LMO7: variants seen among roughly 807,000 people sequenced by gnomAD.
The protein encoded by LMO7 is LIM domain 7.
LMO7 carries 120 observed loss-of-function variants against 206.5 expected under a neutral mutation model. The observed-to-expected ratio is 0.58, with a 90% CI of 0.50 to 0.68. The LOEUF (loss-of-function observed/expected upper bound fraction) is 0.68, where lower values mean the gene tolerates loss of function less well. LMO7 is among the 30% of genes least tolerant of loss of function. The pLI, the probability that LMO7 is intolerant of heterozygous loss-of-function variation, is 0.00. For synonymous variants in LMO7, 706 were observed against 681.5 expected (o/e 1.04, Z -0.56); for missense variants, 1,959 against 1,957.9 (o/e 1.00, Z -0.01).
At chr13:75,706,731 C>T (rs1418154783) in intron 1 of LMO7, among the ~76,000 whole-genome samples, 1 of 152,024 alleles carries the variant, frequency 6.6e-6, no homozygotes, top group Non-Finnish European at 1.5e-5. Context: ...ATTTTTGAAG[C>T]TGTATTATGT....
At chr13:75,749,125 A>T (rs942132825) in intron 3 of LMO7, among the ~76,000 whole-genome samples, 3 of 152,138 alleles carry the variant, frequency 2.0e-5, no homozygotes, top group African/African-American at 7.2e-5. Flanking sequence ...GGGGCTGGAA[A>T]TTTTTAAACA....
intron 1 of LMO7, among the ~76,000 whole-genome samples, chr13:75,695,964 C>G (rs921085898): frequency 6.6e-6 from 1 of 152,120 alleles, no homozygotes; most frequent in Non-Finnish European, 1.5e-5. Context: ...AAACTGGTCC[C>G]AAGGCTGTTT....
intron 2 of LMO7, among the ~76,000 whole-genome samples, chr13:75,724,392 A>G (rs1425215386): frequency 6.6e-6 from 1 of 152,172 alleles, no homozygotes; most frequent in Non-Finnish European, 1.5e-5. Flanking sequence ...AAGGGAATAC[A>G]GGCTGAAAAA....
At chr13:75,662,617 C>G (rs2038710216) in intron 1 of LMO7, among the ~76,000 whole-genome samples, 1 of 139,778 alleles carries the variant, frequency 7.2e-6, no homozygotes, top group Admixed American at 7.0e-5. Flanking sequence ...CTGCACCTGG[C>G]AAAACTAAGT....
At chr13:75,771,418 G>A (rs983320667) in intron 4 of LMO7, among the ~76,000 whole-genome samples, 1 of 151,986 alleles carries the variant, frequency 6.6e-6, no homozygotes, top group African/African-American at 2.4e-5. Flanking sequence ...TGTATTTGCT[G>A]TGATAATGGA....
chr13:75,782,255 A>G (rs2051605474), intron 4 of LMO7, among the ~76,000 whole-genome samples: 1 of 152,206 alleles, frequency 6.6e-6, no homozygotes, highest in African/African-American at 2.4e-5. Context: ...GGCATTGATT[A>G]GCTGTAGATG....
chr13:75,652,876 G>C (rs1466253171), intron 1 of LMO7, among the ~76,000 whole-genome samples: 1 of 152,016 alleles, frequency 6.6e-6, no homozygotes, highest in African/African-American at 2.4e-5. Flanking sequence ...GAAGGGATAG[G>C]GAATGTAGGA....
At chr13:75,822,063 A>G (rs1285300322) in intron 14 of LMO7, among the ~76,000 whole-genome samples, 1 of 152,120 alleles carries the variant, frequency 6.6e-6, no homozygotes, top group Non-Finnish European at 1.5e-5. Flanking sequence ...TTTGAATGTA[A>G]TTATTAGAAT....
At chr13:75,848,749 A>G (rs985970525) in intron 26 of LMO7, among the ~76,000 whole-genome samples, 6 of 152,174 alleles carry the variant, frequency 3.9e-5, no homozygotes, top group Non-Finnish European at 8.8e-5. Flanking sequence ...ATATAATGAC[A>G]TCTTTTCCTC....
At chr13:75,761,993 T>G (rs2048278535) in intron 4 of LMO7, among the ~76,000 whole-genome samples, 1 of 152,178 alleles carries the variant, frequency 6.6e-6, no homozygotes. Context: ...GATGACCAAT[T>G]ATTTTTTCTG....
intron 2 of LMO7, among the ~76,000 whole-genome samples, chr13:75,717,108 A>G (rs2043603809): frequency 6.6e-6 from 1 of 152,020 alleles, no homozygotes; most frequent in Non-Finnish European, 1.5e-5. Context: ...TCACGCCTGT[A>G]ATCCCTGCAC....
intron 4 of LMO7, among the ~76,000 whole-genome samples, chr13:75,767,549 A>G (rs1224626536): frequency 6.6e-6 from 1 of 151,768 alleles, no homozygotes; most frequent in South Asian, 2.1e-4. Context: ...TTTGTCTAGT[A>G]TTAAACATCA....
intron 25 of LMO7, among the ~76,000 whole-genome samples, chr13:75,844,208 G>C (rs1345779888): frequency 3.3e-5 from 5 of 152,066 alleles, no homozygotes; most frequent in Non-Finnish European, 7.4e-5. Flanking sequence ...TAGACATCTG[G>C]TAATAAGTGT....
intron 3 of LMO7, among the ~76,000 whole-genome samples, chr13:75,732,227 C>G (rs1019458331): frequency 6.6e-6 from 1 of 152,188 alleles, no homozygotes; most frequent in African/African-American, 2.4e-5. Flanking sequence ...TGTTTTCCAA[C>G]TTGGTTCCAT....
rs746631230 is a variant in LMO7 at position 75,853,281 on chromosome 13, A to G, written c.4554A>G (p.Ser1518=). The change falls in exon 28 of 31, where the codon TCA becomes TCG. Residue 1518 remains serine (S), a synonymous_variant. Coordinates refer to ENST00000377534, the MANE Select transcript of LMO7 (RefSeq NM_001306080.2). ...RNPSSSVPPP[S]AGSVKTSTTG... ...CCTCCTCCAGCGTGCCCCCACCTTC[A>G]GCTGGCTCCGTGAAGACCTCCACCA... is the stretch of plus-strand genomic sequence containing the variant. 7.4e-6 allele frequency: 12 copies of G among 1,614,040 alleles called. No homozygotes were observed. Among genetic ancestry groups the G allele is most frequent in the Non-Finnish European group, 1.0e-5 (12 of 1,179,998 alleles).
chr13:75,698,602 G>GTT lies in LMO7; in HGVS notation c.70-14565_70-14564dup, dbSNP rs572194746. On this transcript the variant is annotated intron_variant, in intron 1 of 30. Transcript: ENST00000377534. ...TTTCATCTGGCCAAAATATATTTAA[G>GTT]TTTTTTTTTTTTTTTTCGGGGAGGG... Among the ~76,000 whole-genome samples, 683 of 134,966 alleles carry GTT rather than the reference G, an allele frequency of 5.1e-3. 4 individuals carry two copies. Among genetic ancestry groups the GTT allele is most frequent in the Middle Eastern group, 7.5e-3 (2 of 268 alleles). 88.5% of individuals were successfully genotyped at this position (134,966 alleles called of 152,430 possible).
Position 75,834,343 on chromosome 13 carries a change from A to G in LMO7, c.3182A>G (p.Glu1061Gly). 6.2e-7 allele frequency: 1 copy of G among 1,610,022 alleles called. No homozygotes were observed. Reference protein sequence around the residue: ...EWEEAMAKAQETGHLVMDVRR... With the variant: ...EWEEAMAKAQGTGHLVMDVRR... ...GAGGAAGCCATGGCTAAGGCTCAAG[A>G]AACTGGACACCTAGTGATGGATGTG... is the stretch of plus-strand genomic sequence containing the variant. Residue 1061 changes from glutamate (E) to glycine (G), a missense_variant, in exon 17 of 31, where the codon GAA (glutamate) becomes GGA (glycine). Transcript: ENST00000377534.
intron 1 of LMO7, among the ~76,000 whole-genome samples, chr13:75,670,569 C>T (rs1361574997): frequency 6.6e-6 from 1 of 152,076 alleles, no homozygotes; most frequent in African/African-American, 2.4e-5. Flanking sequence ...TGTATTTAAA[C>T]ATATCTAAAC....
Position 75,796,649 on chromosome 13 carries a change from T to C in LMO7, c.362T>C (p.Leu121Ser). The change falls in exon 6 of 31, where the codon TTG becomes TCG. Residue 121 changes from leucine (L) to serine (S), a missense_variant. By Grantham distance (145) the Leu-to-Ser change is moderately radical. Transcript: ENST00000377534. The stretch of plus-strand genomic sequence containing the variant: ...TTTTTTTTTAAGGTTTTGATAACAT[T>C]GTACTGGCTGGGAAGAAAAGCACAA... ...DRRVKNVLITLYWLGRKAQSN... is the reference protein window; with the variant it reads ...DRRVKNVLITSYWLGRKAQSN... 6.2e-7 allele frequency: 1 copy of C among 1,609,904 alleles called. No homozygotes were observed. The highest frequency in any genetic ancestry group is 1.3e-5 in the African/African-American group (1 of 74,894).
Sources: gnomAD v4.1 joint callset for allele counts (sites outside exome capture counted in the v4.1 genomes callset) on GRCh38, gnomAD v4.1.1 for gene constraint, MANE v1.5 for transcripts, NCBI Gene and HGNC (gene_info 2026-07-23, HGNC 2026-07-21) for gene names.